The following FBLIM1 variants were observed in gnomAD, a reference collection of about 807,000 sequenced individuals.
FBLIM1 encodes the protein filamin binding LIM protein 1, also known as filamin-binding LIM protein 1.
A neutral mutation model predicts 37.4 loss-of-function variants in FBLIM1; 29 were observed. That is an observed-to-expected ratio of 0.77 (90% CI 0.58 to 1.06). The LOEUF (loss-of-function observed/expected upper bound fraction) is 1.06. Among genes scored for constraint, FBLIM1 ranks in the 50% least tolerant of loss-of-function variants. The pLI, the probability that FBLIM1 is intolerant of heterozygous loss-of-function variation, is 0.00. For missense variants in FBLIM1, 449 were observed against 505.6 expected (o/e 0.89, Z 1.07); for synonymous variants, 193 against 199.0 (o/e 0.97, Z 0.25).
intron 8 of FBLIM1, among the ~76,000 whole-genome samples, chr1:15,780,108 C>T (rs1461337078): frequency 6.6e-6 from 1 of 151,996 alleles, no homozygotes; most frequent in African/African-American, 2.4e-5. Flanking sequence ...CCAGGCTGGT[C>T]TTGAACTCCT....
In FBLIM1 at chr1:15,784,579, C is replaced by A. The variant is rs772470861; in HGVS notation, c.1040C>A (p.Thr347Lys). ...DCRILLSVEPTDQGCYPLNNH... is the reference protein window; with the variant it reads ...DCRILLSVEPKDQGCYPLNNH... The stretch of plus-strand genomic sequence containing the variant: ...AGGATCCTCCTGTCTGTCGAGCCCA[C>A]GGACCAAGGCTGCTACCCCCTGAAC... Residue 347 changes from threonine to lysine, a missense_variant, in exon 9 of 9, where the codon ACG (threonine) becomes AAG (lysine). By Grantham distance (78) the Thr-to-Lys change is moderately conservative. Transcript: ENST00000375766. 8.1e-6 allele frequency: 13 copies of A among 1,613,952 alleles called. No homozygotes were observed. The highest frequency in any genetic ancestry group is 1.1e-5 in the Non-Finnish European group (13 of 1,179,864).
At position 15,785,099 on chromosome 1, in the gene FBLIM1, C is replaced by T. The variant is rs1019566623; in HGVS notation, c.*438C>T. On this transcript the variant is annotated 3_prime_UTR_variant, in exon 9 of 9. Transcript: ENST00000375766. ...TTGTAATCCCAGCACTTTGGGAGGC[C>T]AAGGTGGGTGGATCACCTGAGGTCA... is the stretch of plus-strand genomic sequence containing the variant. 19 of 153,522 alleles carry T rather than the reference C, an allele frequency of 1.2e-4. No individual in the cohort carries two copies. Among genetic ancestry groups the T allele is most frequent in the Non-Finnish European group, 2.3e-4 (16 of 68,952 alleles). 9.5% of individuals were successfully genotyped at this position (153,522 alleles called of 1,614,324 possible).
At chr1:15,780,357 C>A (rs935037228) in intron 8 of FBLIM1, among the ~76,000 whole-genome samples, 1 of 152,046 alleles carries the variant, frequency 6.6e-6, no homozygotes, top group Admixed American at 6.6e-5. Flanking sequence ...CACCACCATG[C>A]CCGGGTAATT....
chr1:15,759,908 A>G (rs1004478458), intron 1 of FBLIM1, among the ~76,000 whole-genome samples: 3 of 152,238 alleles, frequency 2.0e-5, no homozygotes, highest in Non-Finnish European at 4.4e-5. Context: ...ACCCAAAGGT[A>G]GACTGCTTTA....
intron 1 of FBLIM1, among the ~76,000 whole-genome samples, chr1:15,760,685 C>G (rs762441926): frequency 6.6e-6 from 1 of 152,098 alleles, no homozygotes; most frequent in Non-Finnish European, 1.5e-5. Context: ...GCTGCAGCCT[C>G]TAGCTGGTCT....
intron 7 of FBLIM1, among the ~76,000 whole-genome samples, chr1:15,775,534 CAA>C (rs1161761535): frequency 3.1e-4 from 26 of 84,272 alleles, no homozygotes; most frequent in Admixed American, 6.7e-4. Flanking sequence ...GACTCTGTCT[CAA>C]AAAAAAAAAA....
At chr1:15,769,135 C>T (rs1349059657) in intron 5 of FBLIM1, among the ~76,000 whole-genome samples, 1 of 152,220 alleles carries the variant, frequency 6.6e-6, no homozygotes, top group Non-Finnish European at 1.5e-5. Flanking sequence ...TTCTGCTGTT[C>T]ACTTTCTTTC....
chr1:15,777,131 G>T, intron 7 of FBLIM1, 39 bp from the exon 8 acceptor site: 1 of 1,512,400 alleles, frequency 6.6e-7, no homozygotes, highest in East Asian at 2.3e-5. Flanking sequence ...TGTGGTTGTG[G>T]CATGAACGCC....
chr1:15,773,537 G>A (rs775141289), intron 6 of FBLIM1, among the ~76,000 whole-genome samples: 25 of 151,770 alleles, frequency 1.6e-4, no homozygotes, highest in Non-Finnish European at 3.5e-4. Context: ...AAAATTAGCC[G>A]GATGTGGTGG....
intron 1 of FBLIM1, among the ~76,000 whole-genome samples, chr1:15,760,399 G>A (rs1415637204): frequency 2.0e-5 from 3 of 152,022 alleles, no homozygotes; most frequent in Non-Finnish European, 4.4e-5. Context: ...GGGTGGTGGC[G>A]TGTGCCTGTG....
chr1:15,764,857 A>G lies in FBLIM1; in HGVS notation c.-20-107A>G, dbSNP rs552580805. 408 of 1,312,948 alleles carry G rather than the reference A, an allele frequency of 3.1e-4. 2 individuals are homozygous for G. Among genetic ancestry groups the G allele is most frequent in the Non-Finnish European group, 4.2e-4 (400 of 960,152 alleles). The allele number at this position is 1,312,948 out of a possible 1,614,324, so 81.3% of individuals were successfully genotyped here. On this transcript the variant is annotated intron_variant, in intron 2 of 8. Transcript: ENST00000375766. The stretch of plus-strand genomic sequence containing the variant: ...TGCTGGACTGAGTTGTTGAGATGGT[A>G]GGGTGGCTGGCCTGTCTTTTTGGGA...
intron 6 of FBLIM1, among the ~76,000 whole-genome samples, chr1:15,773,438 G>A (rs1226603236): frequency 1.3e-5 from 2 of 150,370 alleles, no homozygotes; most frequent in East Asian, 4.1e-4. Flanking sequence ...CAGCACTTTG[G>A]GAGGCTGAGG....
intron 1 of FBLIM1, among the ~76,000 whole-genome samples, chr1:15,761,755 G>C (rs1050494972): frequency 6.6e-6 from 1 of 152,136 alleles, no homozygotes; most frequent in East Asian, 1.9e-4. Context: ...ATGTATTTTA[G>C]CCAAACAACT....
chr1:15,781,135 G>C (rs960631958), intron 8 of FBLIM1, among the ~76,000 whole-genome samples: 1 of 152,118 alleles, frequency 6.6e-6, no homozygotes, highest in East Asian at 1.9e-4. Context: ...TTGGGAGGCT[G>C]AGGCAGGCGG....
In FBLIM1 at chr1:15,771,414, T is replaced by G. The variant is rs561953692; in HGVS notation, c.711+836T>G. Reference sequence around the variant, plus strand: ...GGTGCCTGCCACCATGCCCAACTAATTTTTGTATTTTTAGTAGAGATGGGA... The same window carrying G: ...GGTGCCTGCCACCATGCCCAACTAAGTTTTGTATTTTTAGTAGAGATGGGA... On this transcript the variant is annotated intron_variant, in intron 6 of 8. Coordinates refer to ENST00000375766, the MANE Select transcript of FBLIM1 (RefSeq NM_017556.4). Among the ~76,000 whole-genome samples, 6 of 151,554 alleles carry G rather than the reference T, an allele frequency of 4.0e-5. No individual in the cohort carries two copies. The South Asian group carries it at 1.3e-3, about 32-fold the overall frequency.
At chr1:15,768,387 G>C (rs1392191781) in intron 4 of FBLIM1, 141 bp from the exon 5 acceptor site, 3 of 529,648 alleles carry the variant, frequency 5.7e-6, no homozygotes, top group Non-Finnish European at 9.9e-6. Context: ...AGAGACTTAC[G>C]CAGGTCCCTT....
intron 8 of FBLIM1, among the ~76,000 whole-genome samples, chr1:15,778,323 G>A (rs2069549835): frequency 6.6e-6 from 1 of 152,164 alleles, no homozygotes; most frequent in African/African-American, 2.4e-5. Context: ...CCAGCACTTT[G>A]GGAAGCTGAG....
intron 1 of FBLIM1, among the ~76,000 whole-genome samples, chr1:15,759,562 C>T (rs950332472): frequency 2.0e-5 from 3 of 152,152 alleles, no homozygotes; most frequent in African/African-American, 4.8e-5. Context: ...CGAGCCCAGC[C>T]CCCGGGCTGC....
At chr1:15,780,422 ACTC>A (rs2069606254) in intron 8 of FBLIM1, among the ~76,000 whole-genome samples, 1 of 151,356 alleles carries the variant, frequency 6.6e-6, no homozygotes, top group African/African-American at 2.4e-5. Context: ...CTGGTGTTGA[ACTC>A]CTGATCTCAA....
Sources: gnomAD v4.1 joint callset for allele counts (sites outside exome capture counted in the v4.1 genomes callset) on GRCh38, gnomAD v4.1.1 for gene constraint, MANE v1.5 for transcripts, NCBI Gene and HGNC (gene_info 2026-07-23, HGNC 2026-07-21) for gene names.